The following GPC3 variants were observed in gnomAD, a reference collection of about 807,000 sequenced individuals.
GPC3 encodes glypican-3.
Under a neutral mutation model 34.4 loss-of-function variants are expected in GPC3, and 3 were observed. That is an observed-to-expected ratio of 0.09 (90% CI 0.04 to 0.23). The LOEUF (loss-of-function observed/expected upper bound fraction) is 0.23, where lower values mean the gene tolerates loss of function less well. Among genes scored for constraint, GPC3 ranks in the 10% least tolerant of loss-of-function variants. The pLI, the probability that GPC3 is intolerant of heterozygous loss-of-function variation, is 1.00. For synonymous variants in GPC3, 177 were observed against 174.0 expected (o/e 1.02, Z -0.13); for missense variants, 351 against 445.6 (o/e 0.79, Z 1.91).
intron 2 of GPC3, among the ~76,000 whole-genome samples, chrX:133,796,007 G>C (rs1304626915): frequency 1.0e-5 from 1 of 99,590 alleles, no homozygotes; most frequent in Non-Finnish European, 2.0e-5. Context: ...GTGCAGTGGC[G>C]CAATCTTGGC....
intron 3 of GPC3, among the ~76,000 whole-genome samples, chrX:133,725,196 A>G (rs1440931029): frequency 8.9e-6 from 1 of 111,848 alleles, no homozygotes; most frequent in Admixed American, 9.5e-5. Context: ...GAATTCTCAA[A>G]GCAAGTTGAT....
intron 2 of GPC3, among the ~76,000 whole-genome samples, chrX:133,911,256 T>C (rs1158631952): frequency 8.9e-6 from 1 of 112,122 alleles, no homozygotes; most frequent in African/African-American, 3.2e-5. Context: ...AAATTAACAT[T>C]CTACAAATTT....
Position 133,661,828 on chromosome X carries a change from T to A in GPC3, c.1315A>T (p.Asn439Tyr). The A allele has an allele frequency of 8.3e-7, 1 of 1,197,891 alleles. No individual in the cohort carries two copies. The highest frequency in any genetic ancestry group is 1.1e-6 in the Non-Finnish European group (1 of 884,124). Residue 439 changes from asparagine (N) to tyrosine (Y), a missense_variant, in exon 6 of 8, where the codon AAT (asparagine) becomes TAT (tyrosine). By Grantham distance (143) the Asn-to-Tyr change is moderately radical. Coordinates refer to ENST00000370818, the MANE Select transcript of GPC3 (RefSeq NM_004484.4). The stretch of plus-strand genomic sequence containing the variant: ...AGATTGAACTGGTTTTTCATTCCAT[T>A]CCTTGCTGCCTTTTGGCTGTATCTG... ...VERYSQKAAR[N>Y]GMKNQFNLHE...
intron 2 of GPC3, among the ~76,000 whole-genome samples, chrX:133,907,495 A>G (rs1343822496): frequency 1.8e-5 from 2 of 111,776 alleles, no homozygotes; most frequent in African/African-American, 6.5e-5. Context: ...AAAAATAGCT[A>G]CTGTTCACAT....
intron 1 of GPC3, among the ~76,000 whole-genome samples, chrX:133,971,552 G>A (rs777308873): frequency 3.3e-4 from 37 of 110,854 alleles, no homozygotes; most frequent in Non-Finnish European, 6.4e-4. Flanking sequence ...AAAATGCAGA[G>A]GAAAATATAA....
chrX:133,673,719 G>C (rs1282053769), intron 5 of GPC3, among the ~76,000 whole-genome samples: 1 of 111,969 alleles, frequency 8.9e-6, no homozygotes, highest in African/African-American at 3.3e-5. Context: ...TGCCGAACTT[G>C]AGTTTCCTCA....
intron 6 of GPC3, among the ~76,000 whole-genome samples, chrX:133,644,980 C>T (rs1354165772): frequency 9.0e-6 from 1 of 111,638 alleles, no homozygotes; most frequent in Non-Finnish European, 1.9e-5. Context: ...GAGGTTTTGC[C>T]ATGTTGCCCA....
chrX:133,768,736 C>T (rs967999734), intron 2 of GPC3, among the ~76,000 whole-genome samples: 3 of 110,976 alleles, frequency 2.7e-5, no homozygotes, highest in South Asian at 3.9e-4. Flanking sequence ...GTCAGGAGTT[C>T]GAGACCAGCC....
chrX:133,608,860 T>G (rs1420659166), intron 6 of GPC3, among the ~76,000 whole-genome samples: 1 of 112,178 alleles, frequency 8.9e-6, no homozygotes, highest in East Asian at 2.8e-4. Context: ...TAAATATGTT[T>G]CAGATAATTG....
At chrX:133,536,406 C>A in intron 7 of GPC3, 113 bp from the exon 8 acceptor site, 1 of 386,726 alleles carries the variant, frequency 2.6e-6, no homozygotes, top group Non-Finnish European at 4.6e-6. Context: ...GCTTTGATTC[C>A]CTTTTTTATG....
At chrX:133,977,206 C>A (rs978769575) in intron 1 of GPC3, among the ~76,000 whole-genome samples, 1 of 111,435 alleles carries the variant, frequency 9.0e-6, no homozygotes, top group African/African-American at 3.3e-5. Flanking sequence ...AAACTCTGTA[C>A]AAGGCACTCT....
At chrX:133,626,972 A>G (rs2070306030) in intron 6 of GPC3, among the ~76,000 whole-genome samples, 1 of 109,026 alleles carries the variant, frequency 9.2e-6, no homozygotes, top group Non-Finnish European at 1.9e-5. Flanking sequence ...ACACCATGTA[A>G]TACTATGCAG....
intron 7 of GPC3, among the ~76,000 whole-genome samples, chrX:133,570,868 A>AT (rs1462566851): frequency 9.0e-6 from 1 of 111,179 alleles, no homozygotes; most frequent in Non-Finnish European, 1.9e-5. Flanking sequence ...CTGTGGTTGG[A>AT]TTTTAAGAGT....
chrX:133,544,811 G>A (rs761416358), intron 7 of GPC3, among the ~76,000 whole-genome samples: 27 of 112,131 alleles, frequency 2.4e-4, no homozygotes, highest in African/African-American at 8.7e-4. Flanking sequence ...GATTACAGGC[G>A]TGAGCCACTG....
At chrX:133,976,253 T>C (rs2076514268) in intron 1 of GPC3, among the ~76,000 whole-genome samples, 3 of 111,806 alleles carry the variant, frequency 2.7e-5, no homozygotes, top group Admixed American at 1.9e-4. Flanking sequence ...TGTATATGAG[T>C]GTACAAATAT....
intron 2 of GPC3, among the ~76,000 whole-genome samples, chrX:133,803,411 T>C (rs1402411656): frequency 1.8e-5 from 2 of 112,202 alleles, no homozygotes; most frequent in East Asian, 5.6e-4. Flanking sequence ...GGCTTATAGA[T>C]CATCTGAAAA....
At chrX:133,549,614 T>C (rs1357596894) in intron 7 of GPC3, among the ~76,000 whole-genome samples, 1 of 105,545 alleles carries the variant, frequency 9.5e-6, no homozygotes, top group East Asian at 3.1e-4. Flanking sequence ...GAATGGCCTC[T>C]CTCTCTCTCT....
rs771087801 is a variant in GPC3, at chrX:133,584,679, A to C, written c.1573+11761T>G. 9.9e-5 allele frequency among the ~76,000 whole-genome samples: 11 copies of C among 110,834 alleles called. No homozygotes were observed. The East Asian group carries it at 2.9e-3, about 29-fold the overall frequency. On this transcript the variant is annotated intron_variant, in intron 7 of 7. Transcript: ENST00000370818. ...TTTTTGGCAGAGACGGGGTTTCACC[A>C]TGTTGCTCAGGCTAGTCTTGAACTC...
At chrX:133,980,394 T>C (rs185089843) in intron 1 of GPC3, among the ~76,000 whole-genome samples, 2 of 112,413 alleles carry the variant, frequency 1.8e-5, no homozygotes, top group East Asian at 2.8e-4. Context: ...TGAGAGTTCA[T>C]AGGGAACACA....
Sources: allele counts gnomAD v4.1 joint callset (sites outside exome capture counted in the v4.1 genomes callset), GRCh38; gene constraint gnomAD v4.1.1; transcripts MANE v1.5; gene names NCBI Gene and HGNC (gene_info 2026-07-23, HGNC 2026-07-21).